Variants in GAS6 observed in about 807,000 individuals in gnomAD.
GAS6 encodes the protein growth arrest-specific protein 6.
A neutral mutation model predicts 75.8 loss-of-function variants in GAS6; 41 were observed. The ratio of observed to expected loss-of-function variants is 0.54; its 90% CI spans 0.42 to 0.70. The LOEUF (loss-of-function observed/expected upper bound fraction) is 0.70. GAS6 is among the 30% of genes least tolerant of loss of function. The probability of loss-of-function intolerance (pLI) is 0.00; values close to 1 mark genes in which losing one functional copy is unlikely to be tolerated. For synonymous variants in GAS6, 432 were observed against 412.6 expected, an observed-to-expected ratio of 1.05 and a Z score of -0.57; for missense variants, 854 against 940.2, an observed-to-expected ratio of 0.91 and a Z score of 1.20.
chr13:113,834,257 G>A (rs1001563591), intron 8 of GAS6, among the ~76,000 whole-genome samples: 2 of 151,896 alleles, frequency 1.3e-5, no homozygotes, highest in African/African-American at 2.4e-5. Context: ...GGTCGGTCAC[G>A]TTGGCTCCCT....
chr13:113,840,392 T>C (rs917294328), intron 4 of GAS6: 2 of 158,970 alleles, frequency 1.3e-5, no homozygotes, highest in Non-Finnish European at 2.7e-5. Flanking sequence ...TTGATGGCTT[T>C]AGGCCAGGTG....
chr13:113,847,248 A>G (rs1191919084), intron 3 of GAS6, among the ~76,000 whole-genome samples: 2 of 152,142 alleles, frequency 1.3e-5, no homozygotes, highest in Non-Finnish European at 2.9e-5. Context: ...CTGCTTCAGA[A>G]CTCAGTCCTC....
intron 12 of GAS6, among the ~76,000 whole-genome samples, chr13:113,826,405 T>TC (rs1209918222): frequency 6.8e-6 from 1 of 146,676 alleles, no homozygotes; most frequent in African/African-American, 2.6e-5. Flanking sequence ...GCACCTTCTC[T>TC]CCCCGGCCTC....
rs141047065 is a variant in GAS6 at position 113,821,021 on chromosome 13, G to A, written c.1883-3C>T. 2.2e-3 allele frequency: 3,585 copies of A among 1,612,170 alleles called. 12 individuals are homozygous for A. The highest frequency in any genetic ancestry group is 2.7e-3 in the Non-Finnish European group (3,226 of 1,179,728). On this transcript the variant is annotated splice_region_variant and splice_polypyrimidine_tract_variant and intron_variant, in intron 14 of 14. Coordinates refer to ENST00000327773, the MANE Select transcript of GAS6 (RefSeq NM_000820.4). ...TGGCGCTGAAGTCACCGGCACATCT[G>A]GGCCGCAGGGAGAGAACAACATATC...
intron 2 of GAS6, among the ~76,000 whole-genome samples, chr13:113,854,400 C>T (rs59411908): frequency 0.096 from 14,548 of 152,276 alleles, 910 homozygotes; most frequent in East Asian, 0.17. Context: ...ACGGCGGTAA[C>T]GCCGAGACTC....
chr13:113,822,212 G>A (rs2051470160), intron 13 of GAS6, 26 bp from the exon 14 acceptor site: 3 of 1,486,846 alleles, frequency 2.0e-6, no homozygotes, highest in Middle Eastern at 1.8e-4. Flanking sequence ...GTGTGGTCAG[G>A]GCCTGCCGGC....
chr13:113,847,573 A>G (rs1016026910), intron 3 of GAS6: 1 of 186,348 alleles, frequency 5.4e-6, no homozygotes, highest in African/African-American at 2.4e-5. Flanking sequence ...AACGTCTGGC[A>G]TTCCCGTTCT....
chr13:113,848,186 G>C lies in GAS6; in HGVS notation c.256-136C>G, dbSNP rs926891476. Reference sequence around the variant, plus strand: ...GGCCGCCCCACCCGGGGAACTGAGGGGAAGTGACCGGGGCACGACTGCTGT... The same window carrying C: ...GGCCGCCCCACCCGGGGAACTGAGGCGAAGTGACCGGGGCACGACTGCTGT... On this transcript the variant is annotated intron_variant, in intron 2 of 14. Coordinates refer to ENST00000327773, the MANE Select transcript of GAS6 (RefSeq NM_000820.4). This position sits in a 1 kb window ranked among gnomAD's most constrained non-coding sequence, Gnocchi z 4.8. 3.5e-6 allele frequency: 3 copies of C among 851,000 alleles called. No individual in the cohort carries two copies. The Admixed American group carries it at 7.2e-5, about 21-fold the overall frequency. The allele number at this position is 851,000 out of a possible 1,614,324, so 52.7% of individuals were successfully genotyped here.
chr13:113,861,225 C>T (rs545558986), intron 2 of GAS6, among the ~76,000 whole-genome samples: 4 of 152,320 alleles, frequency 2.6e-5, no homozygotes, highest in African/African-American at 9.6e-5. Context: ...TCGTAGGAGC[C>T]TGCCCAGGGG....
At chr13:113,840,472 G>A (rs1365223808) in intron 4 of GAS6, 1 of 152,722 alleles carries the variant, frequency 6.5e-6, no homozygotes, top group East Asian at 1.9e-4. Flanking sequence ...GGGAACGGGT[G>A]AGGGCCTGAG....
rs972252207 is a variant in GAS6 at position 113,832,970 on chromosome 13, C to T, written c.835-218G>A. On this transcript the variant is annotated intron_variant, in intron 8 of 14. Transcript: ENST00000327773. The stretch of plus-strand genomic sequence containing the variant: ...GCAGCAGCCGCTTCCCACAGGGCTT[C>T]TCGGGGGTCCCCGTCATCTCCTTCC... 28 of 1,429,592 alleles carry T rather than the reference C, an allele frequency of 2.0e-5. No individual in the cohort carries two copies. In the Middle Eastern group the frequency reaches 8.5e-4, roughly 43 times the overall value. The allele number at this position is 1,429,592 out of a possible 1,614,324, so 88.6% of individuals were successfully genotyped here. A position where few individuals can be genotyped will look rare whatever the true frequency, so the allele number is the denominator to read the frequency against.
Position 113,838,104 on chromosome 13 carries a change from C to T in GAS6, c.554G>A (p.Gly185Asp), listed in dbSNP as rs1053049442. 5 of 1,612,840 alleles carry T rather than the reference C, an allele frequency of 3.1e-6. No individual in the cohort carries two copies. Among genetic ancestry groups the T allele is most frequent in the African/African-American group, 2.7e-5 (2 of 74,920 alleles). ...CCTGCCATCAGAGGAGAGCTCGAAG[C>T]CGCTGTGGCAGGAACAGTGGAAGCT... Reference protein sequence around the residue: ...PGSFHCSCHSGFELSSDGRTC... With the variant: ...PGSFHCSCHSDFELSSDGRTC... Residue 185 changes from glycine (G) to aspartate (D), a missense_variant, in exon 6 of 15, where the codon GGC (glycine) becomes GAC (aspartate). By Grantham distance (94) the Gly-to-Asp change is moderately conservative. Transcript: ENST00000327773.
rs142664897 is a variant in GAS6, at chr13:113,846,155, G to A, written c.343+372C>T. ...GAGTTGCAGAGGCACGGGACAGACC[G>A]TGTGTGCTAAGCCGCCACGCGTGTG... is the stretch of plus-strand genomic sequence containing the variant. On this transcript the variant is annotated intron_variant, in intron 4 of 14. Transcript: ENST00000327773. Among the ~76,000 whole-genome samples the A allele has an allele frequency of 3.0e-3, 450 of 152,352 alleles. 1 individual carries two copies. The highest frequency in any genetic ancestry group is 5.3e-3 in the Non-Finnish European group (358 of 68,034).
At chr13:113,846,461 A>G (rs2051834476) in intron 4 of GAS6, 66 bp downstream of exon 4, 1 of 1,430,334 alleles carries the variant, frequency 7.0e-7, no homozygotes, top group Admixed American at 1.7e-5. Context: ...TCCACAAACC[A>G]CAGCCAAGCC....
chr13:113,842,223 ACAGTTT>A (rs1485026415), intron 4 of GAS6: 1 of 158,668 alleles, frequency 6.3e-6, no homozygotes, highest in Non-Finnish European at 1.2e-5. Context: ...AGTACACCCC[ACAGTTT>A]CCTCCCTACA....
At position 113,823,437 on chromosome 13, in the gene GAS6, G is replaced by C. The variant is rs368447635; in HGVS notation, c.1591C>G (p.Arg531Gly). ...VLFALWAPDL[R>G]AVPLSVALVD... ...AGTGCCACAGAGAGAGGCACGGCAC[G>C]GAGGTCGGGGGCCCAGAGCGCAAAC... The change falls in exon 13 of 15, where the codon CGT becomes GGT. Residue 531 changes from arginine to glycine, a missense_variant. Physicochemically the swap from Arg to Gly is moderately radical, Grantham distance 125. Coordinates refer to ENST00000327773, the MANE Select transcript of GAS6 (RefSeq NM_000820.4). 6.2e-7 allele frequency: 1 copy of C among 1,612,672 alleles called. No individual in the cohort carries two copies.
chr13:113,835,947 C>T (rs1197852437), intron 6 of GAS6: 6 of 1,147,858 alleles, frequency 5.2e-6, no homozygotes, highest in East Asian at 4.4e-5. Context: ...ATTTAAATGA[C>T]GGTGCTACAG....
intron 11 of GAS6, among the ~76,000 whole-genome samples, chr13:113,827,815 C>T (rs1031901687): frequency 3.9e-5 from 6 of 152,100 alleles, no homozygotes; most frequent in South Asian, 2.1e-4. Flanking sequence ...AGACACAGGT[C>T]GGGGGCACGG....
chr13:113,835,829 TG>T, intron 6 of GAS6, 194 bp from the exon 7 acceptor site: 1 of 1,375,616 alleles, frequency 7.3e-7, no homozygotes, highest in African/African-American at 1.5e-5. Flanking sequence ...TGCACGCTTC[TG>T]ATCAAGGCCC....
Sources: allele counts gnomAD v4.1 joint callset (sites outside exome capture counted in the v4.1 genomes callset), GRCh38; gene constraint gnomAD v4.1.1; non-coding constraint Gnocchi (gnomAD v3.1); transcripts MANE v1.5; gene names NCBI Gene and HGNC (gene_info 2026-07-23, HGNC 2026-07-21).